Variants in CARD14 observed in about 807,000 individuals in gnomAD.
CARD14 encodes caspase recruitment domain-containing protein 14.
Under a neutral mutation model 111.5 loss-of-function variants are expected in CARD14, and 107 were observed. That is an observed-to-expected ratio of 0.96 (90% CI 0.82 to 1.13). CARD14 has a LOEUF of 1.13. Among genes scored for constraint, CARD14 ranks in the 50% most tolerant of loss-of-function variants. The pLI is 0.00. For missense variants in CARD14, 1,322 were observed against 1,362.3 expected (o/e 0.97, Z 0.47); for synonymous variants, 617 against 579.6 (o/e 1.06, Z -0.93).
rs192219051 is a variant in CARD14 at position 80,207,378 on chromosome 17, C to T, written c.2807+293C>T. ...CCAGCCTGGCCAACATGGAGAAACC[C>T]TGTCTCTATTAAAAATACAAAAACT... On this transcript the variant is annotated intron_variant, in intron 23 of 23. Coordinates refer to ENST00000648509, the MANE Select transcript of CARD14 (RefSeq NM_001366385.1). 4.2e-3 allele frequency among the ~76,000 whole-genome samples: 646 copies of T among 152,288 alleles called. 4 individuals carry two copies. The highest frequency in any genetic ancestry group is 0.014 in the African/African-American group (596 of 41,546).
chr17:80,190,237 T>C (rs2040477812), intron 9 of CARD14, among the ~76,000 whole-genome samples: 1 of 152,114 alleles, frequency 6.6e-6, no homozygotes, highest in South Asian at 2.1e-4. Flanking sequence ...AACACAACTA[T>C]GCATGCAACA....
chr17:80,206,955 C>T lies in CARD14; in HGVS notation c.2692-15C>T, dbSNP rs752509804. 5.0e-6 allele frequency: 8 copies of T among 1,592,556 alleles called. No individual in the cohort carries two copies. The highest frequency in any genetic ancestry group is 6.9e-6 in the Non-Finnish European group (8 of 1,162,830). On this transcript the variant is annotated splice_polypyrimidine_tract_variant and intron_variant, in intron 22 of 23. Coordinates refer to ENST00000648509, the MANE Select transcript of CARD14 (RefSeq NM_001366385.1). Reference sequence around the variant, plus strand: ...CCTGTGATCTTGACTCACTTCTTCTCTCCCTCCCACAAAGAACACCCATGC... The same window carrying T: ...CCTGTGATCTTGACTCACTTCTTCTTTCCCTCCCACAAAGAACACCCATGC...
chr17:80,176,847 TG>T (rs2040037215), intron 2 of CARD14, among the ~76,000 whole-genome samples: 1 of 152,204 alleles, frequency 6.6e-6, no homozygotes, highest in Admixed American at 6.5e-5. Context: ...AGGCTTCTAC[TG>T]GGTGGAGGCC....
rs2041023349 is a variant in CARD14 at position 80,202,260 on chromosome 17, A to T, written c.2059A>T (p.Met687Leu). The T allele has an allele frequency of 6.2e-7, 1 of 1,613,972 alleles. No homozygotes were observed. Among genetic ancestry groups the T allele is most frequent in the South Asian group, 1.1e-5 (1 of 91,086 alleles). ...DSFYIRVNLA[M>L]EGRAKGELQV... ...ATTCTACATCCGGGTCAACCTGGCC[A>T]TGGAGGGCAGGGCCAAAGGGGAGCT... Residue 687 changes from methionine to leucine, a missense_variant, in exon 18 of 24, where the codon ATG becomes TTG. Transcript: ENST00000648509.
In CARD14 at chr17:80,205,199, C is replaced by T; in HGVS notation, c.2563C>T (p.Leu855=). 1 of 1,611,904 alleles carries T rather than the reference C, an allele frequency of 6.2e-7. No individual in the cohort carries two copies. Among genetic ancestry groups the T allele is most frequent in the Non-Finnish European group, 8.5e-7 (1 of 1,178,832 alleles). ...CCTCCTCCAAGGGTTTAAGAAGTGCCTGGCAGGTATGCTGTTGCCTGGGAA... is the reference window on the plus strand; with the variant it reads ...CCTCCTCCAAGGGTTTAAGAAGTGCTTGGCAGGTATGCTGTTGCCTGGGAA... ...LCLLQGFKKC[L]AEYLSQEEYE... Residue 855 remains leucine (L), a synonymous_variant, in exon 21 of 24, where the codon CTG becomes TTG. Transcript: ENST00000648509.
chr17:80,176,010 A>T (rs2040018452), intron 2 of CARD14, among the ~76,000 whole-genome samples: 3 of 101,198 alleles, frequency 3.0e-5, no homozygotes, highest in African/African-American at 1.2e-4. Flanking sequence ...GGATCGTGCT[A>T]TGTTGCTAGG....
chr17:80,180,219 T>C (rs1284587014), intron 4 of CARD14, among the ~76,000 whole-genome samples: 3 of 152,116 alleles, frequency 2.0e-5, no homozygotes, highest in Admixed American at 6.5e-5. Flanking sequence ...CTAGCCAGCA[T>C]GTCCCCTGAA....
chr17:80,183,063 T>C (rs913585251), intron 6 of CARD14, among the ~76,000 whole-genome samples: 6 of 152,156 alleles, frequency 3.9e-5, no homozygotes, highest in Admixed American at 2.6e-4. Flanking sequence ...GTGGGGAGAA[T>C]CTGCTTGGAG....
intron 12 of CARD14, 33 bp downstream of exon 12, chr17:80,192,652 T>TCAAGGCAG: frequency 6.5e-7 from 1 of 1,538,948 alleles, no homozygotes; most frequent in Non-Finnish European, 9.0e-7. Flanking sequence ...CCTCACTGCC[T>TCAAGGCAG]TGACCCTCTG....
Position 80,182,300 on chromosome 17 carries a change from G to A in CARD14, c.212-353G>A, listed in dbSNP as rs557814045. 1.1e-4 allele frequency among the ~76,000 whole-genome samples: 16 copies of A among 152,290 alleles called. No individual in the cohort carries two copies. Among genetic ancestry groups the A allele is most frequent in the South Asian group, 2.1e-4 (1 of 4,830 alleles). On this transcript the variant is annotated intron_variant, in intron 5 of 23. Coordinates refer to ENST00000648509, the MANE Select transcript of CARD14 (RefSeq NM_001366385.1). This position sits in a 1 kb window ranked among gnomAD's most constrained non-coding sequence, Gnocchi z 4.7. ...TGACAGCACCGTGGTGGGACCCTGC[G>A]TCTGCATCACCCACCAGCTTGCCAG...
At position 80,184,099 on chromosome 17, in the gene CARD14, G is replaced by T. The variant is rs199517469; in HGVS notation, c.536G>T (p.Arg179Leu). Reference protein sequence around the residue: ...GLHQLEADHSRMKREVSAHFH... With the variant: ...GLHQLEADHSLMKREVSAHFH... ...CACCAGCTGGAGGCTGACCACAGCC[G>T]CATGAAGCGTGAGGTTAGCGCACAC... The change falls in exon 7 of 24, where the codon CGC (arginine) becomes CTC (leucine). Residue 179 changes from arginine to leucine, a missense_variant. By Grantham distance (102) the Arg-to-Leu change is moderately radical (BLOSUM62 -2). Transcript: ENST00000648509. 6.3e-6 allele frequency: 10 copies of T among 1,580,554 alleles called. No homozygotes were observed. Among genetic ancestry groups the T allele is most frequent in the South Asian group, 1.2e-5 (1 of 86,418 alleles).
chr17:80,201,898 C>T lies in CARD14; in HGVS notation c.1978+28C>T. On this transcript the variant is annotated intron_variant, in intron 17 of 23. Coordinates refer to ENST00000648509, the MANE Select transcript of CARD14 (RefSeq NM_001366385.1). The surrounding 1 kb of genome is among the most constrained non-coding windows in gnomAD (Gnocchi z 5.0). ...ACACATACCACTCCTCTCGTGTGCA[C>T]AGCTGCCTGGCCAGACTCCATGACC... 1 of 1,588,198 alleles carries T rather than the reference C, an allele frequency of 6.3e-7. No homozygotes were observed. Among genetic ancestry groups the T allele is most frequent in the Non-Finnish European group, 8.6e-7 (1 of 1,165,348 alleles).
rs1004041352 is a variant in CARD14, at chr17:80,206,754, G to A, written c.2692-216G>A. 1.2e-4 allele frequency: 36 copies of A among 311,442 alleles called. No individual in the cohort carries two copies. In the South Asian group the frequency reaches 1.3e-3, roughly 11 times the overall value. The allele number at this position is 311,442 out of a possible 1,614,324, so 19.3% of individuals were successfully genotyped here. A position where few individuals can be genotyped will look rare whatever the true frequency, so the allele number is the denominator to read the frequency against. On this transcript the variant is annotated intron_variant, in intron 22 of 23. Coordinates refer to ENST00000648509, the MANE Select transcript of CARD14 (RefSeq NM_001366385.1). ...TGCACTCCAGCCTGGGCGACAGAGCGAGACTCCGTCTCAAAAAAATAAAAA... is the reference window on the plus strand; with the variant it reads ...TGCACTCCAGCCTGGGCGACAGAGCAAGACTCCGTCTCAAAAAAATAAAAA...
intron 1 of CARD14, among the ~76,000 whole-genome samples, chr17:80,170,794 C>CGTCCCCTCCCCTCCG: frequency 9.5e-6 from 1 of 105,534 alleles, no homozygotes; most frequent in Non-Finnish European, 2.0e-5. Context: ...CCTCCCCTCC[C>CGTCCCCTCCCCTCCG]GTCCCCTCCC....
In CARD14 at chr17:80,182,887, TCC is replaced by T; in HGVS notation, c.349+101_349+102del. On this transcript the variant is annotated intron_variant, in intron 6 of 23. Transcript: ENST00000648509. This position sits in a 1 kb window ranked among gnomAD's most constrained non-coding sequence, Gnocchi z 4.7. ...CCGCTTACTTGCCGATTTGCCCTAC[TCC>T]CCCTTCCCTCCAGGCTGCAGTTCCT... is the stretch of plus-strand genomic sequence containing the variant. 7.0e-7 allele frequency: 1 copy of T among 1,422,146 alleles called. No homozygotes were observed. The highest frequency in any genetic ancestry group is 9.7e-7 in the Non-Finnish European group (1 of 1,027,090). 88.1% of individuals were successfully genotyped at this position (1,422,146 alleles called of 1,614,324 possible).
At position 80,191,283 on chromosome 17, in the gene CARD14, G is replaced by A. The variant is rs999064367; in HGVS notation, c.1090-40G>A. ...CCTTCTCTAGCTGAGGCTCCCCGGT[G>A]GTGATGGCGCGGCCTCCTTACTCCC... On this transcript the variant is annotated intron_variant, in intron 10 of 23. Transcript: ENST00000648509. 3 of 1,593,990 alleles carry A rather than the reference G, an allele frequency of 1.9e-6. No individual in the cohort carries two copies. In the African/African-American group the frequency reaches 4.0e-5, roughly 21 times the overall value.
Position 80,195,147 on chromosome 17 carries a change from T to G in CARD14, c.1357-44T>G. ...GGGGAGCAAGGGAGGAGTCTCAGGG[T>G]GTCCTCGTGCGTGCCCCACTGACTT... On this transcript the variant is annotated intron_variant, in intron 12 of 23. Transcript: ENST00000648509. The surrounding 1 kb of genome is among the most constrained non-coding windows in gnomAD (Gnocchi z 4.7). The G allele has an allele frequency of 6.4e-7, 1 of 1,556,686 alleles. No homozygotes were observed. The highest frequency in any genetic ancestry group is 8.7e-7 in the Non-Finnish European group (1 of 1,145,642).
intron 2 of CARD14, among the ~76,000 whole-genome samples, chr17:80,176,864 G>C (rs987602054): frequency 2.0e-5 from 3 of 152,224 alleles, no homozygotes; most frequent in Admixed American, 6.5e-5. Context: ...AGGCCCAGGA[G>C]CTCAGGAGCC....
chr17:80,205,060 G>A lies in CARD14; in HGVS notation c.2424G>A (p.Glu808=), dbSNP rs767351855. 7 of 1,606,352 alleles carry A rather than the reference G, an allele frequency of 4.4e-6. No homozygotes were observed. The highest frequency in any genetic ancestry group is 3.4e-5 in the Admixed American group (2 of 59,386). The change falls in exon 21 of 24, where the codon GAG becomes GAA. Residue 808 remains glutamate (E), a synonymous_variant. Coordinates refer to ENST00000648509, the MANE Select transcript of CARD14 (RefSeq NM_001366385.1). The stretch of plus-strand genomic sequence containing the variant: ...GCTCCAGCACGTGCTTCTGGGCCGA[G>A]AGCTGCCTCACCCTGGTGCCCTATA... The part of the protein sequence containing the change: ...MEGSSTCFWA[E]SCLTLVPYTL...
Sources: allele counts gnomAD v4.1 joint callset (sites outside exome capture counted in the v4.1 genomes callset), GRCh38; gene constraint gnomAD v4.1.1; non-coding constraint Gnocchi (gnomAD v3.1); transcripts MANE v1.5; gene names NCBI Gene and HGNC (gene_info 2026-07-23, HGNC 2026-07-21).